KDM3A: variants seen among roughly 807,000 people sequenced by gnomAD.
KDM3A encodes lysine-specific demethylase 3A.
A neutral mutation model predicts 158.0 loss-of-function variants in KDM3A; 60 were observed. That is an observed-to-expected ratio of 0.38 (90% CI 0.31 to 0.47). The LOEUF is 0.47. Among genes scored for constraint, KDM3A ranks in the 20% least tolerant of loss-of-function variants. The probability of loss-of-function intolerance (pLI) is 0.99; values close to 1 mark genes in which losing one functional copy is unlikely to be tolerated. For missense variants in KDM3A, 1,319 were observed against 1,574.3 expected, an observed-to-expected ratio of 0.84 and a Z score of 2.74; for synonymous variants, 608 against 549.3, an observed-to-expected ratio of 1.11 and a Z score of -1.49.
At position 86,441,442 on chromosome 2, in the gene KDM3A, G is replaced by C. The variant is rs1411608250; in HGVS notation, c.-33G>C. On this transcript the variant is annotated splice_region_variant and 5_prime_UTR_variant, in exon 1 of 26. Transcript: ENST00000312912. ...CCGGTGACTCAGGGAGGCGGGAGGC[G>C]GGGTAAGAGCGCCGCGGCCTCGGCT... 6.6e-6 allele frequency: 1 copy of C among 152,254 alleles called. No individual in the cohort carries two copies. Among genetic ancestry groups the C allele is most frequent in the Non-Finnish European group, 1.5e-5 (1 of 68,114 alleles). 9.4% of individuals were successfully genotyped at this position (152,254 alleles called of 1,614,324 possible).
chr2:86,443,901 T>C (rs1682846973), intron 2 of KDM3A, among the ~76,000 whole-genome samples: 2 of 152,222 alleles, frequency 1.3e-5, no homozygotes, highest in African/African-American at 4.8e-5. Flanking sequence ...TCGTGCTTGT[T>C]GTGGTTTATT....
At position 86,456,090 on chromosome 2, in the gene KDM3A, A is replaced by G. The variant is rs1672684515; in HGVS notation, c.557-352A>G. Among the ~76,000 whole-genome samples, 3 of 152,112 alleles carry G rather than the reference A, an allele frequency of 2.0e-5. No homozygotes were observed. The South Asian group carries it at 6.2e-4, about 32-fold the overall frequency. On this transcript the variant is annotated intron_variant, in intron 5 of 25. Coordinates refer to ENST00000312912, the MANE Select transcript of KDM3A (RefSeq NM_018433.6). Reference sequence around the variant, plus strand: ...TTAATTTGATACTCCTTACCTTCCCATTTGTGTTACTGAGTTTCTACAATC... The same window carrying G: ...TTAATTTGATACTCCTTACCTTCCCGTTTGTGTTACTGAGTTTCTACAATC...
At position 86,485,007 on chromosome 2, in the gene KDM3A, T is replaced by C; in HGVS notation, c.3160T>C (p.Phe1054Leu). ...TAAGGACTGGCCACCAGGAGAAGATTTTAGAGATATGATGCCTTCCAGGTA... is the reference window on the plus strand; with the variant it reads ...TAAGGACTGGCCACCAGGAGAAGATCTTAGAGATATGATGCCTTCCAGGTA... Reference protein sequence around the residue: ...KLKDWPPGEDFRDMMPSRFDD... With the variant: ...KLKDWPPGEDLRDMMPSRFDD... The change falls in exon 20 of 26, where the codon TTT becomes CTT. Residue 1054 changes from phenylalanine to leucine, a missense_variant. Around this residue, in one of 4 missense-constraint regions of KDM3A, gnomAD observed 186 missense variants for 340.9 expected, o/e 0.55. Coordinates refer to ENST00000312912, the MANE Select transcript of KDM3A (RefSeq NM_018433.6). The C allele has an allele frequency of 6.3e-7, 1 of 1,598,666 alleles. No individual in the cohort carries two copies. The highest frequency in any genetic ancestry group is 2.2e-5 in the East Asian group (1 of 44,778).
chr2:86,453,741 C>T (rs1272985415), intron 4 of KDM3A, among the ~76,000 whole-genome samples: 2 of 151,850 alleles, frequency 1.3e-5, no homozygotes, highest in South Asian at 2.1e-4. Flanking sequence ...TTATGGAGTC[C>T]CTAGGTTTGT....
chr2:86,480,386 T>G (rs1255851770), intron 16 of KDM3A, 24 bp downstream of exon 16: 5 of 1,593,554 alleles, frequency 3.1e-6, no homozygotes, highest in Non-Finnish European at 4.3e-6. Context: ...GCTTTTGTGT[T>G]TGTTCTTGAG....
intron 25 of KDM3A, chr2:86,491,480 T>A: frequency 1.7e-6 from 1 of 579,192 alleles, no homozygotes; most frequent in Non-Finnish European, 3.1e-6. Flanking sequence ...GATTTGATAT[T>A]GTTTAGAATC....
At chr2:86,447,258 ATAAACT>A (rs1484180923) in intron 2 of KDM3A, among the ~76,000 whole-genome samples, 1 of 151,774 alleles carries the variant, frequency 6.6e-6, no homozygotes, top group Non-Finnish European at 1.5e-5. Context: ...TTTGAAAGTC[ATAAACT>A]TAAATTGTTT....
intron 12 of KDM3A, among the ~76,000 whole-genome samples, chr2:86,477,188 C>T (rs1023870285): frequency 6.6e-6 from 1 of 152,194 alleles, no homozygotes; most frequent in African/African-American, 2.4e-5. Context: ...AATCCCCGGT[C>T]GTGCCTTAAT....
At chr2:86,456,150 A>G (rs1181624184) in intron 5 of KDM3A, among the ~76,000 whole-genome samples, 3 of 151,928 alleles carry the variant, frequency 2.0e-5, no homozygotes, top group African/African-American at 7.3e-5. Flanking sequence ...AGATTATCAG[A>G]CATAGTATTT....
intron 11 of KDM3A, 72 bp from the exon 12 acceptor site, chr2:86,474,704 T>TGG: frequency 4.2e-6 from 2 of 475,202 alleles, no homozygotes; most frequent in Non-Finnish European, 7.4e-6. Context: ...AAATAAGTTG[T>TGG]GTGTGTGTGT....
intron 5 of KDM3A, among the ~76,000 whole-genome samples, chr2:86,456,077 T>A (rs1225011561): frequency 1.3e-5 from 2 of 152,128 alleles, no homozygotes; most frequent in Non-Finnish European, 2.9e-5. Context: ...AATTTGATAC[T>A]CCTTACCTTC....
chr2:86,458,267 T>C (rs1393634236), intron 8 of KDM3A, among the ~76,000 whole-genome samples: 2 of 152,140 alleles, frequency 1.3e-5, no homozygotes, highest in Non-Finnish European at 2.9e-5. Context: ...CTTGAATCTT[T>C]CCTGTATACA....
At chr2:86,491,370 T>G in intron 25 of KDM3A, 95 bp downstream of exon 25, 7 of 1,267,988 alleles carry the variant, frequency 5.5e-6, no homozygotes, top group East Asian at 2.3e-5. Context: ...AACTTGGCCA[T>G]ATCGTACTTA....
chr2:86,485,973 A>C, intron 21 of KDM3A, 114 bp downstream of exon 21: 1 of 1,035,204 alleles, frequency 9.7e-7, no homozygotes. Flanking sequence ...TGCGTAATAC[A>C]GCCACAGCTT....
chr2:86,468,626 G>A (rs1438184885), intron 10 of KDM3A, among the ~76,000 whole-genome samples: 2 of 151,924 alleles, frequency 1.3e-5, no homozygotes, highest in Non-Finnish European at 2.9e-5. Context: ...GTGAGAGTGT[G>A]ATCAGAAGCC....
At position 86,491,418 on chromosome 2, in the gene KDM3A, A is replaced by G. The variant is rs1010802072; in HGVS notation, c.3885+143A>G. On this transcript the variant is annotated intron_variant, in intron 25 of 25. Transcript: ENST00000312912. ...TCGAGGAACTTGCTTTATATCTAGT[A>G]CTACTATCTACTTAAGTGAGGGAGG... 14 of 720,004 alleles carry G rather than the reference A, an allele frequency of 1.9e-5. No homozygotes were observed. The South Asian group carries it at 2.5e-4, about 13-fold the overall frequency. The allele number at this position is 720,004 out of a possible 1,614,324, so 44.6% of individuals were successfully genotyped here. A position where few individuals can be genotyped will look rare whatever the true frequency, so the allele number is the denominator to read the frequency against.
intron 10 of KDM3A, 60 bp downstream of exon 10, chr2:86,466,943 C>T (rs1180571845): frequency 7.9e-7 from 1 of 1,272,544 alleles, no homozygotes; most frequent in Non-Finnish European, 1.1e-6. Context: ...ATATATATCT[C>T]TTTCTTGTCC....
chr2:86,464,858 A>C (rs1673070807), intron 9 of KDM3A, among the ~76,000 whole-genome samples: 1 of 152,218 alleles, frequency 6.6e-6, no homozygotes, highest in East Asian at 1.9e-4. Flanking sequence ...GATGTAGGTC[A>C]GAGAGACTGT....
intron 10 of KDM3A, among the ~76,000 whole-genome samples, chr2:86,469,306 A>G: frequency 6.6e-6 from 1 of 152,186 alleles, no homozygotes; most frequent in East Asian, 1.9e-4. Context: ...CTAGTTCCCC[A>G]GAAGCTGTTG....
Sources: gnomAD v4.1 joint callset for allele counts (sites outside exome capture counted in the v4.1 genomes callset) on GRCh38, gnomAD v4.1.1 for gene constraint, gnomAD v4.1.1 regional missense constraint, MANE v1.5 for transcripts, NCBI Gene and HGNC (gene_info 2026-07-23, HGNC 2026-07-21) for gene names.